Variants in ZNF804B observed in about 807,000 individuals in gnomAD.
The protein encoded by ZNF804B is zinc finger 804B.
ZNF804B carries 80 observed loss-of-function variants against 101.4 expected under a neutral mutation model. That is an observed-to-expected ratio of 0.79 (90% confidence interval 0.66 to 0.95). The LOEUF is 0.95. Among genes scored for constraint, ZNF804B ranks in the 40% least tolerant of loss-of-function variants. ZNF804B has a pLI of 0.00. For missense variants in ZNF804B, 1,673 were observed against 1,561.9 expected (o/e 1.07, Z -1.20); for synonymous variants, 622 against 558.8 (o/e 1.11, Z -1.59).
At chr7:89,191,659 A>G (rs554542522) in intron 1 of ZNF804B, among the ~76,000 whole-genome samples, 1 of 152,146 alleles carries the variant, frequency 6.6e-6, no homozygotes, top group African/African-American at 2.4e-5. Flanking sequence ...TATATTTTAA[A>G]AAAGTATTTG....
chr7:89,065,319 CAT>C (rs1789442278), intron 1 of ZNF804B, among the ~76,000 whole-genome samples: 1 of 152,162 alleles, frequency 6.6e-6, no homozygotes, highest in Non-Finnish European at 1.5e-5. Flanking sequence ...TCTTCTTAAA[CAT>C]ATGTCAAACA....
Position 89,333,947 on chromosome 7 carries a change from C to G in ZNF804B, c.965C>G (p.Ala322Gly). 1.9e-6 allele frequency: 3 copies of G among 1,613,556 alleles called. No homozygotes were observed. The African/African-American group carries it at 4.0e-5, about 22-fold the overall frequency. Residue 322 changes from alanine (A) to glycine (G), a missense_variant, in exon 4 of 4, where the codon GCT becomes GGT. Coordinates refer to ENST00000333190, the MANE Select transcript of ZNF804B (RefSeq NM_181646.5). ...CTAGAAGATTCAATTGGCATTCATG[C>G]TTCATTCTCTAAATCTAACATTCAT... ...ETLEDSIGIH[A>G]SFSKSNIHLS...
intron 1 of ZNF804B, among the ~76,000 whole-genome samples, chr7:88,879,951 A>T (rs1252620290): frequency 6.6e-6 from 1 of 151,522 alleles, no homozygotes; most frequent in Non-Finnish European, 1.5e-5. Context: ...AGGCAGGAGA[A>T]TTGCTTGAGC....
intron 1 of ZNF804B, among the ~76,000 whole-genome samples, chr7:89,150,510 A>G (rs10281567): frequency 0.21 from 32,100 of 152,046 alleles, 3,422 homozygotes; most frequent in Middle Eastern, 0.24. Flanking sequence ...TGCATTAATT[A>G]AATTTCTGCC....
intron 1 of ZNF804B, among the ~76,000 whole-genome samples, chr7:88,930,879 A>T (rs144514705): frequency 6.6e-6 from 1 of 152,074 alleles, no homozygotes; most frequent in Non-Finnish European, 1.5e-5. Flanking sequence ...CTAAAATAAT[A>T]AAGAGAGCTA....
At chr7:89,146,297 T>C (rs1175345096) in intron 1 of ZNF804B, among the ~76,000 whole-genome samples, 1 of 152,092 alleles carries the variant, frequency 6.6e-6, no homozygotes, top group African/African-American at 2.4e-5. Context: ...GAATTACTTA[T>C]AAGCCTATTA....
intron 1 of ZNF804B, among the ~76,000 whole-genome samples, chr7:88,932,605 G>A (rs1240631047): frequency 6.6e-6 from 1 of 151,504 alleles, no homozygotes; most frequent in Non-Finnish European, 1.5e-5. Flanking sequence ...ATCATTCAAG[G>A]CTACTGTGAA....
chr7:89,117,286 A>G (rs1790325147), intron 1 of ZNF804B, among the ~76,000 whole-genome samples: 1 of 152,236 alleles, frequency 6.6e-6, no homozygotes, highest in African/African-American at 2.4e-5. Context: ...GTAATCTGTT[A>G]CAGCAGTCAT....
At chr7:89,099,765 G>C (rs1487942937) in intron 1 of ZNF804B, among the ~76,000 whole-genome samples, 1 of 152,132 alleles carries the variant, frequency 6.6e-6, no homozygotes, top group Non-Finnish European at 1.5e-5. Context: ...TTTAGTTCTA[G>C]AAGTATTAGG....
chr7:89,255,838 C>A (rs1000414398), intron 2 of ZNF804B, among the ~76,000 whole-genome samples: 1 of 151,862 alleles, frequency 6.6e-6, no homozygotes, highest in African/African-American at 2.4e-5. Context: ...AGTATTCAGA[C>A]CATAAATCAG....
chr7:88,828,353 G>A (rs372099508), intron 1 of ZNF804B, among the ~76,000 whole-genome samples: 1 of 151,968 alleles, frequency 6.6e-6, no homozygotes, highest in South Asian at 2.1e-4. Flanking sequence ...TCTACCCCAG[G>A]CCTTTCTGGT....
intron 1 of ZNF804B, chr7:88,794,061 C>T (rs1354844587): frequency 2.8e-6 from 2 of 713,572 alleles, no homozygotes; most frequent in African/African-American, 1.8e-5. Context: ...TAATATATTA[C>T]CTCTGTGTAT....
chr7:89,012,806 A>G (rs1329278152), intron 1 of ZNF804B, among the ~76,000 whole-genome samples: 1 of 152,090 alleles, frequency 6.6e-6, no homozygotes, highest in African/African-American at 2.4e-5. Context: ...TTTACAGCCA[A>G]CGCCCCACTA....
chr7:89,071,496 TA>T (rs780083657), intron 1 of ZNF804B, among the ~76,000 whole-genome samples: 1 of 152,106 alleles, frequency 6.6e-6, no homozygotes, highest in Non-Finnish European at 1.5e-5. Context: ...GGCATAGTTA[TA>T]AAAAATATAA....
chr7:89,293,145 A>G (rs1293474829), intron 2 of ZNF804B, among the ~76,000 whole-genome samples: 2 of 151,944 alleles, frequency 1.3e-5, no homozygotes, highest in African/African-American at 2.4e-5. Context: ...TGGAAGTTAT[A>G]TATCATTTTT....
intron 1 of ZNF804B, among the ~76,000 whole-genome samples, chr7:89,036,108 A>G (rs567801477): frequency 6.7e-6 from 1 of 149,948 alleles, no homozygotes; most frequent in East Asian, 2.0e-4. Flanking sequence ...GCAATTGAAC[A>G]TTCAGTATTA....
intron 1 of ZNF804B, among the ~76,000 whole-genome samples, chr7:89,010,428 T>C (rs1440510263): frequency 2.0e-5 from 3 of 152,172 alleles, no homozygotes; most frequent in Admixed American, 1.3e-4. Flanking sequence ...TCATTCTTAG[T>C]AGAGAGGTTC....
chr7:89,046,434 T>C (rs2116257068), intron 1 of ZNF804B, among the ~76,000 whole-genome samples: 1 of 152,274 alleles, frequency 6.6e-6, no homozygotes, highest in South Asian at 2.1e-4. Context: ...TTTCAAAATG[T>C]CACAAATAAA....
At chr7:89,297,756 A>G (rs529939339) in intron 2 of ZNF804B, among the ~76,000 whole-genome samples, 2 of 152,034 alleles carry the variant, frequency 1.3e-5, no homozygotes, top group African/African-American at 4.8e-5. Flanking sequence ...TTTTCTAACC[A>G]TTTGAGAGGA....
Sources: gnomAD v4.1 joint callset for allele counts (sites outside exome capture counted in the v4.1 genomes callset) on GRCh38, gnomAD v4.1.1 for gene constraint, MANE v1.5 for transcripts, NCBI Gene and HGNC (gene_info 2026-07-23, HGNC 2026-07-21) for gene names.